CSMD1: variants seen among roughly 807,000 people sequenced by gnomAD.
CSMD1 encodes CUB and Sushi multiple domains 1, also known as CUB and sushi domain-containing protein 1.
In CSMD1, 213 loss-of-function variants were observed where a neutral mutation model predicts 417.5. The observed-to-expected ratio is 0.51, with a 90% CI of 0.46 to 0.57. The LOEUF is 0.57. Among genes scored for constraint, CSMD1 ranks in the 20% least tolerant of loss-of-function variants. The pLI is 0.00. For synonymous variants in CSMD1, 2,862 were observed against 1,736.8 expected, an observed-to-expected ratio of 1.65 and a Z score of -16.11; for missense variants, 6,923 against 4,529.7, an observed-to-expected ratio of 1.53 and a Z score of -15.17.
At position 3,050,834 on chromosome 8, in the gene CSMD1, A is replaced by T. The variant is rs549961871; in HGVS notation, c.7660+1628T>A. The stretch of plus-strand genomic sequence containing the variant: ...TAGTTTAAAATTTTTAACATGACCA[A>T]AATACTGTAGACAAAAAGAAGCCAA... On this transcript the variant is annotated intron_variant, in intron 50 of 69. Coordinates refer to ENST00000635120, the MANE Select transcript of CSMD1 (RefSeq NM_033225.6). Among the ~76,000 whole-genome samples the T allele has an allele frequency of 2.6e-5, 4 of 152,348 alleles. No individual in the cohort carries two copies. In the East Asian group the frequency reaches 7.7e-4, roughly 29 times the overall value.
intron 3 of CSMD1, among the ~76,000 whole-genome samples, chr8:4,322,578 A>G (rs988547048): frequency 3.9e-5 from 6 of 152,240 alleles, no homozygotes; most frequent in African/African-American, 1.4e-4. Flanking sequence ...TTGATGAAGG[A>G]AAATTTCAAC....
intron 2 of CSMD1, among the ~76,000 whole-genome samples, chr8:4,583,864 C>T (rs964241416): frequency 1.3e-5 from 2 of 152,078 alleles, no homozygotes; most frequent in Non-Finnish European, 2.9e-5. Flanking sequence ...AAGCTTTGTT[C>T]TTTCACTCTT....
intron 1 of CSMD1, among the ~76,000 whole-genome samples, chr8:4,962,289 C>G (rs796502844): frequency 2.6e-5 from 4 of 152,072 alleles, no homozygotes; most frequent in African/African-American, 9.6e-5. Flanking sequence ...TAGCTTATGG[C>G]AGCTTGGAAC....
intron 1 of CSMD1, among the ~76,000 whole-genome samples, chr8:4,788,750 TA>T (rs878953534): frequency 2.0e-5 from 3 of 151,398 alleles, no homozygotes; most frequent in Non-Finnish European, 4.4e-5. Flanking sequence ...CATGAAAACC[TA>T]AAAAAAATAA....
intron 2 of CSMD1, among the ~76,000 whole-genome samples, chr8:4,464,904 C>T (rs1012398440): frequency 6.6e-6 from 1 of 152,040 alleles, no homozygotes; most frequent in Non-Finnish European, 1.5e-5. Flanking sequence ...GTTTTATTAG[C>T]CTCTCCATTG....
At chr8:3,861,813 G>T (rs530897351) in intron 5 of CSMD1, among the ~76,000 whole-genome samples, 1 of 152,102 alleles carries the variant, frequency 6.6e-6, no homozygotes, top group African/African-American at 2.4e-5. Flanking sequence ...TAAGTGTGCC[G>T]ATTACAGATG....
At chr8:3,481,926 T>G (rs924803485) in intron 11 of CSMD1, among the ~76,000 whole-genome samples, 5 of 152,182 alleles carry the variant, frequency 3.3e-5, no homozygotes, top group Non-Finnish European at 7.3e-5. Context: ...AGCCACCAAG[T>G]TTGTGGAATA....
At chr8:3,293,417 G>C (rs868729265) in intron 25 of CSMD1, among the ~76,000 whole-genome samples, 1 of 152,192 alleles carries the variant, frequency 6.6e-6, no homozygotes, top group East Asian at 1.9e-4. Flanking sequence ...ATCCTGCAGA[G>C]TGTTTTCCAA....
At chr8:4,630,542 G>C (rs144331337) in intron 2 of CSMD1, among the ~76,000 whole-genome samples, 207 of 151,968 alleles carry the variant, frequency 1.4e-3, no homozygotes, top group African/African-American at 4.8e-3. Flanking sequence ...CTTACCTAGG[G>C]GTCACTAATT....
intron 3 of CSMD1, among the ~76,000 whole-genome samples, chr8:4,227,998 C>A (rs902630621): frequency 2.0e-5 from 3 of 151,532 alleles, no homozygotes; most frequent in Non-Finnish European, 4.4e-5. Flanking sequence ...TACATTAAAC[C>A]CCACACCTGG....
In CSMD1 at chr8:3,910,299, T is replaced by C. The variant is rs148353006; in HGVS notation, c.818+87604A>G. On this transcript the variant is annotated intron_variant, in intron 5 of 69. Transcript: ENST00000635120. ...AGCTCTCTCACCACGTTTGAAAATA[T>C]GATGGAATTCAGAGCATGCCTGTGT... Among the ~76,000 whole-genome samples the C allele has an allele frequency of 3.1e-3, 476 of 152,208 alleles. 2 individuals carry two copies. The highest frequency in any genetic ancestry group is 0.011 in the African/African-American group (449 of 41,544).
Position 3,290,600 on chromosome 8 carries a change from G to T in CSMD1, c.3951-6254C>A, listed in dbSNP as rs565434117. On this transcript the variant is annotated intron_variant, in intron 25 of 69. Transcript: ENST00000635120. ...CTCTTTGAAGCAATTGTGAATGGGAGTTCACTCATGATTTGGCTCTCTGTT... is the reference window on the plus strand; with the variant it reads ...CTCTTTGAAGCAATTGTGAATGGGATTTCACTCATGATTTGGCTCTCTGTT... Among the ~76,000 whole-genome samples the T allele has an allele frequency of 1.1e-4, 16 of 146,932 alleles. No individual in the cohort carries two copies. The South Asian group carries it at 3.1e-3, about 29-fold the overall frequency.
rs565552409 is a variant in CSMD1 at position 4,821,500 on chromosome 8, T to A, written c.85+172832A>T. 1.1e-4 allele frequency among the ~76,000 whole-genome samples: 17 copies of A among 152,266 alleles called. No individual in the cohort carries two copies. In the East Asian group the frequency reaches 3.3e-3, roughly 29 times the overall value. ...GCACTTTTCTCATATTTCATGCACA[T>A]TCTTCATGAATTATGAAATATCTTA... On this transcript the variant is annotated intron_variant, in intron 1 of 69. Transcript: ENST00000635120.
intron 7 of CSMD1, among the ~76,000 whole-genome samples, chr8:3,643,034 G>A (rs1391623809): frequency 6.6e-6 from 1 of 152,066 alleles, no homozygotes; most frequent in Non-Finnish European, 1.5e-5. Context: ...GCAGCACAGA[G>A]GAGGAAAAAA....
intron 3 of CSMD1, among the ~76,000 whole-genome samples, chr8:4,352,495 T>C (rs1563084081): frequency 6.6e-6 from 1 of 152,188 alleles, no homozygotes; most frequent in Admixed American, 6.5e-5. Flanking sequence ...TTTCAGTGAA[T>C]CAAGTTTGAA....
At chr8:4,041,507 C>G (rs1797893791) in intron 3 of CSMD1, among the ~76,000 whole-genome samples, 1 of 152,054 alleles carries the variant, frequency 6.6e-6, no homozygotes. Context: ...CAACCAAACC[C>G]CAGTGAAAGA....
chr8:4,588,731 G>C (rs1334430280), intron 2 of CSMD1, among the ~76,000 whole-genome samples: 2 of 151,222 alleles, frequency 1.3e-5, no homozygotes, highest in Non-Finnish European at 2.9e-5. Context: ...GTTGCAGTAA[G>C]CCGAGATTGC....
intron 25 of CSMD1, among the ~76,000 whole-genome samples, chr8:3,299,183 G>A (rs192618555): frequency 6.6e-6 from 1 of 152,328 alleles, no homozygotes; most frequent in Non-Finnish European, 1.5e-5. Flanking sequence ...CAGGTATGGT[G>A]GCTCACGCCT....
intron 31 of CSMD1, among the ~76,000 whole-genome samples, chr8:3,205,267 C>T (rs540657259): frequency 6.6e-6 from 1 of 152,276 alleles, no homozygotes; most frequent in South Asian, 2.1e-4. Context: ...TTAATTCTCT[C>T]TGATTATTTC....
Sources: allele counts gnomAD v4.1 joint callset (sites outside exome capture counted in the v4.1 genomes callset), GRCh38; gene constraint gnomAD v4.1.1; transcripts MANE v1.5; gene names NCBI Gene and HGNC (gene_info 2026-07-23, HGNC 2026-07-21).